CSMD1: variants seen among roughly 807,000 people sequenced by gnomAD.
The protein encoded by CSMD1 is CUB and Sushi multiple domains 1.
A neutral mutation model predicts 417.5 loss-of-function variants in CSMD1; 213 were observed. That is an observed-to-expected ratio of 0.51 (90% CI 0.46 to 0.57). CSMD1 has a LOEUF of 0.57. CSMD1 is among the 20% of genes least tolerant of loss of function. The pLI is 0.00. For missense variants in CSMD1, 6,923 were observed against 4,529.7 expected (o/e 1.53, Z -15.17); for synonymous variants, 2,862 against 1,736.8 (o/e 1.65, Z -16.11).
chr8:4,243,787 A>G (rs547320058), intron 3 of CSMD1, among the ~76,000 whole-genome samples: 4 of 152,244 alleles, frequency 2.6e-5, no homozygotes, highest in African/African-American at 9.6e-5. Context: ...GAAAGAAAGA[A>G]AAGCAAATCA....
At position 4,880,678 on chromosome 8, in the gene CSMD1, T is replaced by C. The variant is rs1470636884; in HGVS notation, c.85+113654A>G. ...ATCGGAAGTGGAGACAGAGAGACTT[T>C]TCTGCCGTGCCTGTTCTGCCCATCG... On this transcript the variant is annotated intron_variant, in intron 1 of 69. Transcript: ENST00000635120. Among the ~76,000 whole-genome samples the C allele has an allele frequency of 4.6e-5, 7 of 152,052 alleles. No homozygotes were observed. In the South Asian group the frequency reaches 1.2e-3, roughly 27 times the overall value.
intron 52 of CSMD1, among the ~76,000 whole-genome samples, chr8:3,003,163 C>G (rs536319658): frequency 5.9e-4 from 90 of 152,270 alleles, no homozygotes; most frequent in African/African-American, 2.1e-3. Context: ...ATTTCACTCA[C>G]AGAATACTCT....
At chr8:4,162,393 C>G (rs1046609360) in intron 3 of CSMD1, among the ~76,000 whole-genome samples, 1 of 152,050 alleles carries the variant, frequency 6.6e-6, no homozygotes, top group Non-Finnish European at 1.5e-5. Context: ...TTTATCTTGA[C>G]AGTAAATCTT....
chr8:3,295,403 G>C (rs988014638), intron 25 of CSMD1, among the ~76,000 whole-genome samples: 1 of 152,098 alleles, frequency 6.6e-6, no homozygotes, highest in Non-Finnish European at 1.5e-5. Flanking sequence ...TGGGATTAGA[G>C]GTGTGAGCCA....
chr8:4,075,931 A>T (rs897391858), intron 3 of CSMD1, among the ~76,000 whole-genome samples: 2 of 152,172 alleles, frequency 1.3e-5, no homozygotes, highest in Non-Finnish European at 2.9e-5. Flanking sequence ...TATATATACT[A>T]AGAAAATAAA....
intron 23 of CSMD1, among the ~76,000 whole-genome samples, chr8:3,310,594 T>C (rs987760545): frequency 2.6e-5 from 4 of 152,206 alleles, no homozygotes; most frequent in Non-Finnish European, 4.4e-5. Flanking sequence ...AAATAACCAT[T>C]AGGCACACAA....
chr8:4,954,041 T>C (rs915159854), intron 1 of CSMD1, among the ~76,000 whole-genome samples: 46 of 152,160 alleles, frequency 3.0e-4, no homozygotes, highest in Admixed American at 2.8e-3. Context: ...TTAAAAAGAA[T>C]TGAGTGCTTT....
chr8:4,081,137 A>C (rs756256623), intron 3 of CSMD1, among the ~76,000 whole-genome samples: 3 of 152,086 alleles, frequency 2.0e-5, no homozygotes, highest in Non-Finnish European at 4.4e-5. Context: ...TGAACTCTTG[A>C]TCTTAGACTT....
rs373147060 is a variant in CSMD1 at position 3,284,343 on chromosome 8, G to A, written c.3954C>T (p.Leu1318=). 61 of 1,612,412 alleles carry A rather than the reference G, an allele frequency of 3.8e-5. No homozygotes were observed. The highest frequency in any genetic ancestry group is 4.9e-5 in the Non-Finnish European group (58 of 1,179,188). ...TCTCCGTGTCGAAAACAATGAAATG[G>A]AGGCTGCAAGAGAGAACACAGTAGC... ...IEADPGKTIS[L]HFIVFDTEMA... is the part of the protein sequence containing the mutation. Residue 1318 remains leucine (L), a synonymous_variant, in exon 26 of 70, where the codon CTC becomes CTT. Coordinates refer to ENST00000635120, the MANE Select transcript of CSMD1 (RefSeq NM_033225.6).
At position 3,616,750 on chromosome 8, in the gene CSMD1, C is replaced by T; in HGVS notation, c.1057G>A (p.Gly353Arg). 3 of 1,612,698 alleles carry T rather than the reference C, an allele frequency of 1.9e-6. No homozygotes were observed. The highest frequency in any genetic ancestry group is 2.5e-6 in the Non-Finnish European group (3 of 1,179,276). Residue 353 changes from glycine (G) to arginine (R), a missense_variant, in exon 8 of 70, where the codon GGG becomes AGG. Transcript: ENST00000635120. ...GCTCTTCTACCATTTTCTGGAATCC[C>T]AGGATCTGGACACATGTCAGAGACC... ...ALVSDMCPDP[G>R]IPENGRRAGS... is the part of the protein sequence containing the mutation.
intron 5 of CSMD1, among the ~76,000 whole-genome samples, chr8:3,795,059 T>C (rs990205264): frequency 7.4e-6 from 1 of 135,778 alleles, no homozygotes; most frequent in Non-Finnish European, 1.6e-5. Context: ...TGTATAGCTA[T>C]AGATATATAT....
chr8:3,752,698 A>AAC (rs1554531835), intron 6 of CSMD1, among the ~76,000 whole-genome samples: 29 of 117,822 alleles, frequency 2.5e-4, no homozygotes, highest in African/African-American at 8.4e-4. Context: ...AAAAAAAAAA[A>AAC]AAAAAACATA....
intron 10 of CSMD1, among the ~76,000 whole-genome samples, chr8:3,548,952 C>G (rs1798794529): frequency 6.6e-6 from 1 of 152,116 alleles, no homozygotes; most frequent in African/African-American, 2.4e-5. Context: ...TGTGCCTGTC[C>G]TGTCTTAACT....
chr8:4,192,123 T>G (rs901644662), intron 3 of CSMD1, among the ~76,000 whole-genome samples: 1 of 152,116 alleles, frequency 6.6e-6, no homozygotes, highest in Non-Finnish European at 1.5e-5. Context: ...TCATCTGCAT[T>G]GCAAATATGA....
At chr8:3,947,920 G>C (rs1811344176) in intron 5 of CSMD1, among the ~76,000 whole-genome samples, 1 of 152,084 alleles carries the variant, frequency 6.6e-6, no homozygotes, top group African/African-American at 2.4e-5. Context: ...AATCTCCAAT[G>C]GTAGGCTGGG....
intron 3 of CSMD1, among the ~76,000 whole-genome samples, chr8:4,357,484 A>G (rs1192685446): frequency 6.6e-6 from 1 of 152,144 alleles, no homozygotes; most frequent in African/African-American, 2.4e-5. Flanking sequence ...CCTCACCAAC[A>G]TGGCATTACT....
chr8:3,355,936 T>C (rs10088607), intron 21 of CSMD1, among the ~76,000 whole-genome samples: 110,653 of 151,542 alleles, frequency 0.73, 40,957 homozygotes, highest in African/African-American at 0.85. Flanking sequence ...GAATACATGA[T>C]ACTATTTCTA....
intron 5 of CSMD1, among the ~76,000 whole-genome samples, chr8:3,861,773 C>T (rs559291651): frequency 1.3e-5 from 2 of 152,282 alleles, no homozygotes; most frequent in South Asian, 2.1e-4. Flanking sequence ...TTTCTACTGG[C>T]CCACTGAGTA....
At chr8:4,543,318 C>G (rs909283643) in intron 2 of CSMD1, among the ~76,000 whole-genome samples, 41 of 152,142 alleles carry the variant, frequency 2.7e-4, no homozygotes, top group Admixed American at 5.2e-4. Context: ...TCCTCCACCC[C>G]CTGGCAACCA....
Sources: allele counts gnomAD v4.1 joint callset (sites outside exome capture counted in the v4.1 genomes callset), GRCh38; gene constraint gnomAD v4.1.1; transcripts MANE v1.5; gene names NCBI Gene and HGNC (gene_info 2026-07-23, HGNC 2026-07-21).